EYA2: variants seen among roughly 807,000 people sequenced by gnomAD.
The protein encoded by EYA2 is EYA transcriptional coactivator and phosphatase 2.
In EYA2, 31 loss-of-function variants were observed where a neutral mutation model predicts 69.2. The ratio of observed to expected loss-of-function variants is 0.45; its 90% confidence interval spans 0.34 to 0.60. The LOEUF is 0.60. Ranked by LOEUF, EYA2 falls within the 20% of genes least tolerant of loss-of-function variation. EYA2 has a pLI of 0.02. For synonymous variants in EYA2, 257 were observed against 279.4 expected (o/e 0.92, Z 0.80); for missense variants, 622 against 701.2 (o/e 0.89, Z 1.28).
chr20:46,960,775 C>T lies in EYA2; in HGVS notation c.-10-29226C>T, dbSNP rs1043745127. 3.9e-5 allele frequency among the ~76,000 whole-genome samples: 6 copies of T among 152,228 alleles called. No homozygotes were observed. The East Asian group carries it at 1.2e-3, about 29-fold the overall frequency. ...TGACCCACAAAGCCTGAAATCTTCA[C>T]CGTCTGGCCGTTTACAGTAAATCTT... On this transcript the variant is annotated intron_variant, in intron 1 of 15. Transcript: ENST00000327619.
intron 1 of EYA2, among the ~76,000 whole-genome samples, chr20:46,986,837 C>T (rs535391655): frequency 3.9e-5 from 6 of 152,266 alleles, no homozygotes; most frequent in Admixed American, 1.3e-4. Flanking sequence ...AGGGATCCAT[C>T]CCTATGACCC....
chr20:47,033,286 T>C (rs1273060772), intron 5 of EYA2, among the ~76,000 whole-genome samples: 1 of 152,226 alleles, frequency 6.6e-6, no homozygotes, highest in African/African-American at 2.4e-5. Context: ...ATAGAGATCA[T>C]CTAGGTCAGG....
intron 15 of EYA2, among the ~76,000 whole-genome samples, chr20:47,185,509 C>T (rs1178087275): frequency 2.0e-5 from 3 of 151,910 alleles, no homozygotes; most frequent in Non-Finnish European, 4.4e-5. Flanking sequence ...GCCATGTTGG[C>T]CAGGCTGGTC....
At chr20:47,011,660 G>T (rs1275528787) in intron 4 of EYA2, among the ~76,000 whole-genome samples, 2 of 151,686 alleles carry the variant, frequency 1.3e-5, no homozygotes, top group Non-Finnish European at 2.9e-5. Flanking sequence ...TTGCTCCTTT[G>T]CTTCCTTCAG....
At chr20:46,983,782 C>CT (rs1568703087) in intron 1 of EYA2, among the ~76,000 whole-genome samples, 1 of 152,160 alleles carries the variant, frequency 6.6e-6, no homozygotes. Context: ...CTGGAAAACT[C>CT]TAAGCTGTTG....
chr20:47,108,185 G>A (rs2146536027), intron 9 of EYA2, among the ~76,000 whole-genome samples: 1 of 152,370 alleles, frequency 6.6e-6, no homozygotes, highest in Non-Finnish European at 1.5e-5. Context: ...CATTGTTGAA[G>A]GTGGGGCCTA....
At chr20:46,979,070 C>T (rs75089080) in intron 1 of EYA2, among the ~76,000 whole-genome samples, 1 of 152,156 alleles carries the variant, frequency 6.6e-6, no homozygotes. Context: ...CTGGGAGTGA[C>T]CCTCTCCAAA....
At chr20:47,091,458 G>A (rs1246415981) in intron 8 of EYA2, among the ~76,000 whole-genome samples, 1 of 151,976 alleles carries the variant, frequency 6.6e-6, no homozygotes, top group Non-Finnish European at 1.5e-5. Context: ...CCAGTACCGG[G>A]CCCAGCACAG....
intron 13 of EYA2, among the ~76,000 whole-genome samples, chr20:47,180,176 G>A (rs2034512003): frequency 6.7e-6 from 1 of 149,848 alleles, no homozygotes. Flanking sequence ...GGGATTGCAG[G>A]TGTGCACCAC....
At chr20:46,952,935 C>T (rs1030070802) in intron 1 of EYA2, among the ~76,000 whole-genome samples, 1 of 152,208 alleles carries the variant, frequency 6.6e-6, no homozygotes, top group Non-Finnish European at 1.5e-5. Context: ...CATCTAAACA[C>T]ATGAAAAATG....
chr20:47,156,065 CACACACACACACATATATATACAT>C, intron 10 of EYA2, among the ~76,000 whole-genome samples: 1 of 102,892 alleles, frequency 9.7e-6, no homozygotes, highest in Non-Finnish European at 1.8e-5. Context: ...TATATACATA[CACACACACACACATATATATACAT>C]ACACACACAC....
intron 8 of EYA2, among the ~76,000 whole-genome samples, chr20:47,095,430 GAAAAT>G (rs2032219612): frequency 6.6e-6 from 1 of 151,948 alleles, no homozygotes; most frequent in African/African-American, 2.4e-5. Flanking sequence ...AAAGAAATAA[GAAAAT>G]AAAAATTTTC....
intron 5 of EYA2, among the ~76,000 whole-genome samples, chr20:47,043,354 A>T (rs2029885306): frequency 6.6e-6 from 1 of 152,146 alleles, no homozygotes; most frequent in African/African-American, 2.4e-5. Context: ...AGAGGCCAAC[A>T]TTCAGGCTGG....
chr20:46,905,168 T>A (rs1377416769), intron 1 of EYA2, among the ~76,000 whole-genome samples: 1 of 149,250 alleles, frequency 6.7e-6, no homozygotes, highest in Non-Finnish European at 1.5e-5. Context: ...TGACAGACAC[T>A]TTCACAAAGC....
intron 1 of EYA2, among the ~76,000 whole-genome samples, chr20:46,905,125 G>A (rs1040856749): frequency 6.6e-6 from 1 of 152,008 alleles, no homozygotes; most frequent in African/African-American, 2.4e-5. Flanking sequence ...AGGGAAGAAG[G>A]AGACATAAAA....
intron 10 of EYA2, among the ~76,000 whole-genome samples, chr20:47,155,730 C>T (rs1212128991): frequency 6.6e-6 from 1 of 151,824 alleles, no homozygotes; most frequent in Non-Finnish European, 1.5e-5. Context: ...AGAAAGATCC[C>T]TTTCCCAGGG....
intron 7 of EYA2, among the ~76,000 whole-genome samples, chr20:47,080,952 C>T (rs62202507): frequency 2.6e-5 from 4 of 152,078 alleles, no homozygotes; most frequent in African/African-American, 9.7e-5. Flanking sequence ...TCCGTAACCT[C>T]GAACTCCTGG....
chr20:46,980,409 C>T (rs970431427), intron 1 of EYA2, among the ~76,000 whole-genome samples: 5 of 152,094 alleles, frequency 3.3e-5, no homozygotes, highest in African/African-American at 7.2e-5. Context: ...AATAATAAAA[C>T]GGTGTGGTTC....
In EYA2 at chr20:46,952,203, G is replaced by A. The variant is rs1173715778; in HGVS notation, c.-10-37798G>A. 2.6e-5 allele frequency among the ~76,000 whole-genome samples: 4 copies of A among 152,102 alleles called. No homozygotes were observed. In the East Asian group the frequency reaches 7.8e-4, roughly 30 times the overall value. ...GGTCAGGGAGGTCTCTCTGGCAGAG[G>A]CCTGAGAGGGGCAGGGAGAGCCGTG... On this transcript the variant is annotated intron_variant, in intron 1 of 15. Coordinates refer to ENST00000327619, the MANE Select transcript of EYA2 (RefSeq NM_005244.5).
Sources: gnomAD v4.1 joint callset for allele counts (sites outside exome capture counted in the v4.1 genomes callset) on GRCh38, gnomAD v4.1.1 for gene constraint, MANE v1.5 for transcripts, NCBI Gene and HGNC (gene_info 2026-07-23, HGNC 2026-07-21) for gene names.